The following OR14A2 variants were observed in gnomAD, a reference collection of about 807,000 sequenced individuals.
OR14A2 encodes the protein olfactory receptor 14A2.
For missense variants in OR14A2, 237 were observed against 152.9 expected (o/e 1.55, Z -2.90); for synonymous variants, 114 against 58.6 (o/e 1.95, Z -4.32).
At chr1:247,739,562 A>G in the OR14A2 span, 9 of 767,136 alleles carry the variant, frequency 1.2e-5, no homozygotes, top group South Asian at 1.1e-4. Flanking sequence ...AAAGATGACT[A>G]AAGTTGAAGA....
At chr1:247,729,440 T>G in the OR14A2 span, among the ~76,000 whole-genome samples, 1 of 152,086 alleles carries the variant, frequency 6.6e-6, no homozygotes. Context: ...TCTGAGCACT[T>G]TGCTAAAAAT....
At chr1:247,730,233 G>C in the OR14A2 span, among the ~76,000 whole-genome samples, 1 of 152,024 alleles carries the variant, frequency 6.6e-6, no homozygotes, top group Non-Finnish European at 1.5e-5. Flanking sequence ...GGCTGTGACA[G>C]TTAGCTCAAA....
At chr1:247,744,753 A>C in the OR14A2 span, among the ~76,000 whole-genome samples, 1 of 152,164 alleles carries the variant, frequency 6.6e-6, no homozygotes, top group Admixed American at 6.5e-5. This position sits in a 1 kb window ranked among gnomAD's most constrained non-coding sequence, Gnocchi z 4.3. Context: ...CTACATGGCT[A>C]TATTGCATAG....
At chr1:247,728,160 T>C (rs1660427521), upstream of OR14A2, among the ~76,000 whole-genome samples, 3 of 152,156 alleles carry the variant, frequency 2.0e-5, no homozygotes, top group South Asian at 6.2e-4. Context: ...TGAACATTGA[T>C]GCAAAAATCC....
the OR14A2 span, among the ~76,000 whole-genome samples, chr1:247,730,877 C>G: frequency 3.9e-5 from 6 of 152,008 alleles, no homozygotes. Flanking sequence ...TGCCTCTCCA[C>G]CTTGGTGAGG....
At chr1:247,728,761 T>A (rs1457991866), upstream of OR14A2, among the ~76,000 whole-genome samples, 2 of 152,074 alleles carry the variant, frequency 1.3e-5, no homozygotes, top group African/African-American at 4.8e-5. Context: ...GTAAAATAAT[T>A]CCAATTTTTC....
chr1:247,724,036 T>C, exon 1 of OR14A2: 1 of 706,782 alleles, frequency 1.4e-6, no homozygotes, highest in Non-Finnish European at 2.6e-6. Context: ...CAAGGTGACA[T>C]TGGCCATACT....
the OR14A2 span, among the ~76,000 whole-genome samples, chr1:247,741,682 G>T: frequency 6.6e-6 from 1 of 152,172 alleles, no homozygotes; most frequent in Non-Finnish European, 1.5e-5. Context: ...AACAGGAAGT[G>T]AATTTTTGCT....
the OR14A2 span, among the ~76,000 whole-genome samples, chr1:247,734,785 G>A: frequency 2.0e-5 from 3 of 152,110 alleles, no homozygotes; most frequent in African/African-American, 4.8e-5. Context: ...TAATCTAAAC[G>A]TCAACTTCGC....
In OR14A2 at chr1:247,723,820, G is replaced by A. The variant is rs56268113; in HGVS notation, c.224C>T (p.Pro75Leu). The change falls in exon 1 of 1, where the codon CCA (proline) becomes CTA (leucine). Residue 75 changes from proline (P) to leucine (L), a missense_variant. Pro to Leu is a moderately conservative substitution (Grantham distance 98, BLOSUM62 -3). Coordinates refer to ENST00000366485, the Ensembl canonical transcript of OR14A2. ...GTTGTTGACAATGAATTTTGGGATT[G>A]GAACAGACACCAGGAAGACATCCAA... 2.0e-3 allele frequency: 1,453 copies of A among 717,926 alleles called. 1 individual carries two copies. The highest frequency in any genetic ancestry group is 3.1e-3 in the Non-Finnish European group (1,177 of 385,026). The allele number at this position is 717,926 out of a possible 1,614,324, so 44.5% of individuals were successfully genotyped here.
chr1:247,746,834 C>G, the OR14A2 span: 5 of 152,196 alleles, frequency 3.3e-5, no homozygotes, highest in African/African-American at 9.7e-5. Flanking sequence ...TGCATGCCTT[C>G]TCAGGTCCCC....
At chr1:247,723,454 C>A (rs1660252266) in exon 1 of OR14A2, 1 of 717,432 alleles carries the variant, frequency 1.4e-6, no homozygotes, top group Non-Finnish European at 2.6e-6. Context: ...AACTCCAATA[C>A]CTGCATAAAT....
the OR14A2 span, chr1:247,738,480 T>C: frequency 1.7e-6 from 1 of 605,144 alleles, no homozygotes; most frequent in Admixed American, 3.0e-5. Flanking sequence ...AATTGCTTGA[T>C]ATTTTTAAAC....
chr1:247,732,116 T>G, the OR14A2 span, among the ~76,000 whole-genome samples: 7 of 152,150 alleles, frequency 4.6e-5, no homozygotes, highest in African/African-American at 1.7e-4. Flanking sequence ...TCTGTGCATG[T>G]GTGATTCAGG....
the OR14A2 span, among the ~76,000 whole-genome samples, chr1:247,737,230 G>A: frequency 1.3e-5 from 2 of 152,190 alleles, no homozygotes; most frequent in South Asian, 2.1e-4. Context: ...TCATCCTCTC[G>A]GCTGTGTGTG....
chr1:247,731,339 T>G, the OR14A2 span, among the ~76,000 whole-genome samples: 2 of 152,102 alleles, frequency 1.3e-5, no homozygotes, highest in Non-Finnish European at 2.9e-5. Flanking sequence ...AAGTCATTAT[T>G]CACAGTATTT....
At chr1:247,723,319 T>C in exon 1 of OR14A2, 1 of 717,330 alleles carries the variant, frequency 1.4e-6, no homozygotes, top group Non-Finnish European at 2.6e-6. Flanking sequence ...AACAGTGAGA[T>C]GGGGGAAGCA....
the OR14A2 span, among the ~76,000 whole-genome samples, chr1:247,742,835 G>A: frequency 6.6e-6 from 1 of 152,116 alleles, no homozygotes; most frequent in South Asian, 2.1e-4. Context: ...AATATGCCTT[G>A]GAAAGTAGAT....
exon 1 of OR14A2, chr1:247,723,450 A>C: frequency 2.8e-6 from 2 of 717,728 alleles, no homozygotes; most frequent in Non-Finnish European, 5.2e-6. Flanking sequence ...CACCAACTCC[A>C]ATACCTGCAT....
Sources: gnomAD v4.1 joint callset for allele counts (sites outside exome capture counted in the v4.1 genomes callset) on GRCh38, gnomAD v4.1.1 for gene constraint, Gnocchi (gnomAD v3.1) non-coding constraint, MANE v1.5 for transcripts, NCBI Gene and HGNC (gene_info 2026-07-23, HGNC 2026-07-21) for gene names.